PTPRD: variants seen among roughly 807,000 people sequenced by gnomAD.
PTPRD encodes receptor-type tyrosine-protein phosphatase delta.
PTPRD carries 34 observed loss-of-function variants against 214.5 expected under a neutral mutation model. That is an observed-to-expected ratio of 0.16 (90% CI 0.12 to 0.21). PTPRD has a LOEUF of 0.21. Among genes scored for constraint, PTPRD ranks in the 10% least tolerant of loss-of-function variants. PTPRD has a pLI of 1.00. For missense variants in PTPRD, 2,545 were observed against 2,398.7 expected (o/e 1.06, Z -1.27); for synonymous variants, 1,128 against 845.7 (o/e 1.33, Z -5.79).
intron 2 of PTPRD, among the ~76,000 whole-genome samples, chr9:10,356,770 C>T (rs934622470): frequency 6.6e-6 from 1 of 151,904 alleles, no homozygotes; most frequent in Non-Finnish European, 1.5e-5. Context: ...ACCTCTGTCT[C>T]CCAAGTTCAA....
At chr9:8,508,265 G>T (rs1451836830) in intron 21 of PTPRD, among the ~76,000 whole-genome samples, 2 of 152,160 alleles carry the variant, frequency 1.3e-5, no homozygotes, top group African/African-American at 4.8e-5. Context: ...ACAAAGAATG[G>T]AAAGTCTATT....
chr9:8,980,057 A>G (rs1032403607), intron 11 of PTPRD, among the ~76,000 whole-genome samples: 1 of 152,124 alleles, frequency 6.6e-6, no homozygotes, highest in African/African-American at 2.4e-5. Flanking sequence ...TCAAAAAAAG[A>G]AGGAAATCCT....
At chr9:8,747,291 A>G (rs1231688123) in intron 11 of PTPRD, among the ~76,000 whole-genome samples, 9 of 152,186 alleles carry the variant, frequency 5.9e-5, no homozygotes, top group Admixed American at 5.9e-4. Flanking sequence ...AGGAAAAGGA[A>G]AAAGGATAAA....
intron 5 of PTPRD, among the ~76,000 whole-genome samples, chr9:9,844,578 T>C (rs1489709641): frequency 6.6e-6 from 1 of 151,942 alleles, no homozygotes; most frequent in Non-Finnish European, 1.5e-5. Flanking sequence ...AAGGAATTGA[T>C]ATGACATATT....
At chr9:9,082,077 T>C (rs1182836859) in intron 10 of PTPRD, among the ~76,000 whole-genome samples, 7 of 150,780 alleles carry the variant, frequency 4.6e-5, no homozygotes, top group African/African-American at 9.8e-5. Flanking sequence ...TTACAAACAA[T>C]AGAAAAAGAC....
At chr9:8,829,041 G>A (rs1197868933) in intron 11 of PTPRD, among the ~76,000 whole-genome samples, 1 of 152,144 alleles carries the variant, frequency 6.6e-6, no homozygotes, top group Non-Finnish European at 1.5e-5. Flanking sequence ...ATTTACTGTT[G>A]AGAGCTTTCC....
chr9:9,402,465 A>G (rs577910667), intron 8 of PTPRD, among the ~76,000 whole-genome samples: 35 of 152,230 alleles, frequency 2.3e-4, no homozygotes, highest in Non-Finnish European at 4.6e-4. Flanking sequence ...TTGTTACCTC[A>G]TACATTTAAT....
At chr9:9,660,880 G>A (rs186951924) in intron 7 of PTPRD, among the ~76,000 whole-genome samples, 45 of 151,962 alleles carry the variant, frequency 3.0e-4, no homozygotes, top group African/African-American at 9.4e-4. Flanking sequence ...GGAAAGCTAC[G>A]CTGCCACCAA....
chr9:8,930,870 C>T lies in PTPRD; in HGVS notation c.-104+87827G>A, dbSNP rs146998466. ...TAGATTCTGGATATTAGCCCTTTGT[C>T]AGATGAGTAGATTGCAAAAATGTTC... is the stretch of plus-strand genomic sequence containing the variant. On this transcript the variant is annotated intron_variant, in intron 11 of 45. Transcript: ENST00000381196. Among the ~76,000 whole-genome samples the T allele has an allele frequency of 5.2e-3, 786 of 152,208 alleles. 6 individuals carry two copies. The highest frequency in any genetic ancestry group is 0.018 in the African/African-American group (758 of 41,520).
chr9:9,514,133 C>T (rs533700387), intron 8 of PTPRD, among the ~76,000 whole-genome samples: 1 of 152,090 alleles, frequency 6.6e-6, no homozygotes, highest in South Asian at 2.1e-4. Context: ...TTTATTTTGG[C>T]CTTTTGGTGG....
At chr9:9,237,892 TCTC>T (rs1032191314) in intron 9 of PTPRD, among the ~76,000 whole-genome samples, 60 of 152,306 alleles carry the variant, frequency 3.9e-4, no homozygotes, top group African/African-American at 1.4e-3. Flanking sequence ...AAACTTAAAA[TCTC>T]CTCAAATTAG....
chr9:8,383,067 T>C (rs2085677353), intron 37 of PTPRD, among the ~76,000 whole-genome samples: 1 of 152,240 alleles, frequency 6.6e-6, no homozygotes, highest in Non-Finnish European at 1.5e-5. Flanking sequence ...CACTGCCATT[T>C]ATAATCTTCA....
intron 10 of PTPRD, among the ~76,000 whole-genome samples, chr9:9,153,159 C>CA (rs1257867854): frequency 6.6e-6 from 1 of 152,202 alleles, no homozygotes; most frequent in African/African-American, 2.4e-5. Flanking sequence ...ACCTGTAACT[C>CA]AGCCAGTTTT....
chr9:10,506,576 T>C (rs2046054079), intron 2 of PTPRD, among the ~76,000 whole-genome samples: 1 of 152,112 alleles, frequency 6.6e-6, no homozygotes, highest in Non-Finnish European at 1.5e-5. Flanking sequence ...CTATATCTCA[T>C]GTACCATATA....
At chr9:8,928,053 G>C (rs1217825076) in intron 11 of PTPRD, among the ~76,000 whole-genome samples, 2 of 152,136 alleles carry the variant, frequency 1.3e-5, no homozygotes, top group East Asian at 3.9e-4. Flanking sequence ...TGATGAGGTT[G>C]TCTTTTCCTT....
chr9:8,448,584 A>ATT (rs149027175), intron 34 of PTPRD, among the ~76,000 whole-genome samples: 1,537 of 152,052 alleles, frequency 0.01, 30 homozygotes, highest in African/African-American at 0.035. Flanking sequence ...TGATGAAATA[A>ATT]TTTTTTTTAA....
intron 2 of PTPRD, among the ~76,000 whole-genome samples, chr9:10,361,008 A>G (rs992860928): frequency 6.6e-6 from 1 of 152,106 alleles, no homozygotes; most frequent in Non-Finnish European, 1.5e-5. Flanking sequence ...AGGCTGAGGC[A>G]GGAGAATGGC....
At chr9:8,350,067 A>T (rs1383466396) in intron 39 of PTPRD, among the ~76,000 whole-genome samples, 3 of 152,072 alleles carry the variant, frequency 2.0e-5, no homozygotes, top group Non-Finnish European at 4.4e-5. Flanking sequence ...TCATCCAGTT[A>T]CAACATTTGT....
chr9:8,791,736 G>C (rs760613554), intron 11 of PTPRD, among the ~76,000 whole-genome samples: 1 of 151,944 alleles, frequency 6.6e-6, no homozygotes, highest in Non-Finnish European at 1.5e-5. Flanking sequence ...AGATGACTGA[G>C]GATGCTGACT....
Sources: gnomAD v4.1 joint callset for allele counts (sites outside exome capture counted in the v4.1 genomes callset) on GRCh38, gnomAD v4.1.1 for gene constraint, MANE v1.5 for transcripts, NCBI Gene and HGNC (gene_info 2026-07-23, HGNC 2026-07-21) for gene names.